The following CFAP54 variants were observed in gnomAD, a reference collection of about 807,000 sequenced individuals.
CFAP54 encodes the protein cilia- and flagella-associated protein 54.
Under a neutral mutation model 370.4 loss-of-function variants are expected in CFAP54, and 290 were observed. The ratio of observed to expected loss-of-function variants is 0.78; its 90% CI spans 0.71 to 0.86. CFAP54 has a LOEUF of 0.86. Ranked by LOEUF, CFAP54 falls within the 40% of genes least tolerant of loss-of-function variation. The probability of loss-of-function intolerance (pLI) is 0.00; values close to 1 mark genes in which losing one functional copy is unlikely to be tolerated. For synonymous variants in CFAP54, 1,206 were observed against 1,236.5 expected, an observed-to-expected ratio of 0.98 and a Z score of 0.52; for missense variants, 3,399 against 3,528.7, an observed-to-expected ratio of 0.96 and a Z score of 0.93.
At position 96,576,529 on chromosome 12, in the gene CFAP54, G is replaced by A. The variant is rs544465415; in HGVS notation, c.2620-56G>A. On this transcript the variant is annotated intron_variant, in intron 19 of 67. Transcript: ENST00000524981. ...TTAACATCACTAGAATTCTATAAAC[G>A]TAAATAGAGTTCAAGCTCTTGACAT... 9.1e-5 allele frequency: 116 copies of A among 1,278,056 alleles called. 5 individuals are homozygous for A. In the South Asian group the frequency reaches 1.5e-3, roughly 16 times the overall value. 79.2% of individuals were successfully genotyped at this position (1,278,056 alleles called of 1,614,324 possible). A position where few individuals can be genotyped will look rare whatever the true frequency, so the allele number is the denominator to read the frequency against.
At chr12:96,776,464 A>G (rs7137720) in intron 60 of CFAP54, among the ~76,000 whole-genome samples, 2,321 of 152,314 alleles carry the variant, frequency 0.015, 75 homozygotes, top group African/African-American at 0.054. Flanking sequence ...TACAGATCTC[A>G]TTAATGTCTG....
intron 33 of CFAP54, among the ~76,000 whole-genome samples, chr12:96,644,941 T>C (rs1183429537): frequency 1.3e-5 from 2 of 152,224 alleles, no homozygotes; most frequent in Non-Finnish European, 2.9e-5. Context: ...TTCACAATTA[T>C]GTGCTGGATA....
rs938865054 is a variant in CFAP54, at chr12:96,664,312, G to C, written c.5563+380G>C. On this transcript the variant is annotated intron_variant, in intron 39 of 67. Transcript: ENST00000524981. ...TTCACCCTCTGATAGGCCAGAGTGT[G>C]TGTTATTCTCTTCTATGTGTCCATG... 2.6e-5 allele frequency among the ~76,000 whole-genome samples: 4 copies of C among 152,074 alleles called. No homozygotes were observed. The East Asian group carries it at 7.7e-4, about 29-fold the overall frequency.
At chr12:96,644,623 C>G (rs191585527) in intron 33 of CFAP54, among the ~76,000 whole-genome samples, 2 of 152,132 alleles carry the variant, frequency 1.3e-5, no homozygotes, top group South Asian at 2.1e-4. Context: ...ACTCACAGTT[C>G]CATTGGGGAG....
chr12:96,816,548 A>G (rs1037884791), intron 64 of CFAP54, among the ~76,000 whole-genome samples: 1 of 152,194 alleles, frequency 6.6e-6, no homozygotes, highest in African/African-American at 2.4e-5. Flanking sequence ...GAGAGCTATC[A>G]TTAGGATAAT....
chr12:96,713,945 G>A (rs1016210938), intron 48 of CFAP54, among the ~76,000 whole-genome samples: 1 of 152,084 alleles, frequency 6.6e-6, no homozygotes, highest in African/African-American at 2.4e-5. Context: ...GATTATGAAA[G>A]GATTTGAAAG....
At chr12:96,654,057 A>G (rs1956892683) in intron 36 of CFAP54, among the ~76,000 whole-genome samples, 1 of 152,228 alleles carries the variant, frequency 6.6e-6, no homozygotes, top group African/African-American at 2.4e-5. Flanking sequence ...GAAGAAACAG[A>G]AAATATGAAT....
At chr12:96,857,269 T>TCCTCCCACC in intron 66 of CFAP54, among the ~76,000 whole-genome samples, 1 of 152,140 alleles carries the variant, frequency 6.6e-6, no homozygotes, top group African/African-American at 2.4e-5. Context: ...ATAGTTATCT[T>TCCTCCCACC]TTCTGTTCCT....
At chr12:96,723,376 G>A (rs972209725) in intron 50 of CFAP54, among the ~76,000 whole-genome samples, 24 of 152,094 alleles carry the variant, frequency 1.6e-4, no homozygotes, top group Non-Finnish European at 3.2e-4. Context: ...ACCAGAAAGG[G>A]GACTGAGAAG....
chr12:96,535,726 C>T (rs1262599353), intron 12 of CFAP54, 126 bp downstream of exon 12: 1 of 555,370 alleles, frequency 1.8e-6, no homozygotes, highest in Non-Finnish European at 3.1e-6. Flanking sequence ...TAATCATTAG[C>T]ATATAGGATT....
intron 26 of CFAP54, among the ~76,000 whole-genome samples, chr12:96,601,277 G>C (rs1956238921): frequency 6.6e-6 from 1 of 152,178 alleles, no homozygotes; most frequent in Non-Finnish European, 1.5e-5. Context: ...TTGTGTATGT[G>C]AACCAGCCTT....
intron 8 of CFAP54, among the ~76,000 whole-genome samples, chr12:96,525,173 T>G (rs1955364924): frequency 6.7e-6 from 1 of 150,252 alleles, no homozygotes; most frequent in Non-Finnish European, 1.5e-5. Flanking sequence ...TTTTTTTTTG[T>G]TAATTCAGTT....
chr12:96,729,228 T>G (rs902681471), intron 50 of CFAP54, among the ~76,000 whole-genome samples: 3 of 152,156 alleles, frequency 2.0e-5, no homozygotes, highest in Non-Finnish European at 4.4e-5. Context: ...CAGGGACATT[T>G]AAGTCTGCAG....
rs79474760 is a variant in CFAP54, at chr12:96,822,714, T to A, written c.9096+4801T>A. Among the ~76,000 whole-genome samples the A allele has an allele frequency of 9.6e-3, 1,467 of 152,292 alleles. 57 individuals are homozygous for A. In the East Asian group the frequency reaches 0.1, roughly 11 times the overall value. On this transcript the variant is annotated intron_variant, in intron 65 of 67. Transcript: ENST00000524981. ...CATTGAAAATAATCTAAATCTTTCC[T>A]GTCTCTTATAGGAACATCCCAGGGG...
At chr12:96,492,590 T>G (rs377585388) in intron 1 of CFAP54, among the ~76,000 whole-genome samples, 5 of 152,264 alleles carry the variant, frequency 3.3e-5, no homozygotes, top group South Asian at 4.1e-4. Context: ...GTAAGCTCCC[T>G]GGTGACTTTG....
intron 36 of CFAP54, among the ~76,000 whole-genome samples, chr12:96,656,054 C>T (rs1209657298): frequency 6.6e-6 from 1 of 152,032 alleles, no homozygotes; most frequent in Non-Finnish European, 1.5e-5. Flanking sequence ...GTGGTGGGTA[C>T]ATGGGCTTCA....
chr12:96,699,425 C>T (rs1957468787), intron 45 of CFAP54, among the ~76,000 whole-genome samples: 3 of 152,032 alleles, frequency 2.0e-5, no homozygotes, highest in Admixed American at 6.6e-5. Flanking sequence ...ATCTGTATAC[C>T]AAACCCCTAT....
At chr12:96,548,825 G>A (rs1030321428) in intron 15 of CFAP54, among the ~76,000 whole-genome samples, 2 of 152,068 alleles carry the variant, frequency 1.3e-5, no homozygotes, top group Non-Finnish European at 2.9e-5. Context: ...CACAACTTCA[G>A]GTGTGAGATT....
chr12:96,502,382 C>T lies in CFAP54; in HGVS notation c.423+1443C>T, dbSNP rs74503783. 7.8e-3 allele frequency among the ~76,000 whole-genome samples: 731 copies of T among 93,342 alleles called. 3 individuals are homozygous for T. The highest frequency in any genetic ancestry group is 0.011 in the Non-Finnish European group (574 of 50,226). The allele number at this position is 93,342 out of a possible 152,430, so 61.2% of individuals were successfully genotyped here. A position where few individuals can be genotyped will look rare whatever the true frequency, so the allele number is the denominator to read the frequency against. On this transcript the variant is annotated intron_variant, in intron 2 of 67. Coordinates refer to ENST00000524981, the MANE Select transcript of CFAP54 (RefSeq NM_001306084.2). ...TTTGAGACAAGCCTGGGTAACATGG[C>T]GAAACACTGTCCCTAAAAAAAAAAA...
Sources: gnomAD v4.1 joint callset for allele counts (sites outside exome capture counted in the v4.1 genomes callset) on GRCh38, gnomAD v4.1.1 for gene constraint, MANE v1.5 for transcripts, NCBI Gene and HGNC (gene_info 2026-07-23, HGNC 2026-07-21) for gene names.